Variants in COL4A5 observed in about 807,000 individuals in gnomAD.
The protein encoded by COL4A5 is collagen alpha-5(IV) chain.
Under a neutral mutation model 130.2 loss-of-function variants are expected in COL4A5, and 26 were observed. That is an observed-to-expected ratio of 0.20 (90% CI 0.15 to 0.28). COL4A5 has a LOEUF of 0.28. Ranked by LOEUF, COL4A5 falls within the 10% of genes least tolerant of loss-of-function variation. COL4A5 has a pLI of 1.00. For synonymous variants in COL4A5, 496 were observed against 439.6 expected (o/e 1.13, Z -1.60); for missense variants, 1,131 against 1,344.3 (o/e 0.84, Z 2.48).
At chrX:108,682,949 T>A (rs756561682) in intron 47 of COL4A5, among the ~76,000 whole-genome samples, 31 of 112,228 alleles carry the variant, frequency 2.8e-4, no homozygotes, top group Admixed American at 6.6e-4. Context: ...TTTTGGTGTT[T>A]TAGTCATGAA....
At chrX:108,647,343 A>C (rs929960956) in intron 36 of COL4A5, among the ~76,000 whole-genome samples, 96 of 111,422 alleles carry the variant, frequency 8.6e-4, no homozygotes, top group African/African-American at 3.0e-3. Flanking sequence ...CTTTGAAGCA[A>C]TTGTGAATGG....
intron 4 of COL4A5, among the ~76,000 whole-genome samples, chrX:108,565,978 ATTC>A (rs1202180919): frequency 8.8e-4 from 91 of 103,422 alleles, no homozygotes; most frequent in African/African-American, 1.9e-3. Flanking sequence ...ATATCAGGCT[ATTC>A]TTCTTTTTTT....
chrX:108,521,409 A>C (rs1277274924), intron 1 of COL4A5, among the ~76,000 whole-genome samples: 1 of 110,740 alleles, frequency 9.0e-6, no homozygotes, highest in Non-Finnish European at 1.9e-5. Context: ...CTCACTTTGG[A>C]GGAAAGGCCA....
rs187090207 is a variant in COL4A5, at chrX:108,574,792, G to A, written c.547-1118G>A. On this transcript the variant is annotated intron_variant, in intron 9 of 52. Transcript: ENST00000328300. ...TTTGTTTTATGTGGTGTTTGTTGTT[G>A]TTGTTGTTGTTTTGAGATAGCATCT... 6.3e-5 allele frequency among the ~76,000 whole-genome samples: 7 copies of A among 111,010 alleles called. No individual in the cohort carries two copies. In the East Asian group the frequency reaches 2.0e-3, roughly 31 times the overall value.
intron 47 of COL4A5, among the ~76,000 whole-genome samples, chrX:108,682,641 C>A (rs934207986): frequency 3.6e-5 from 4 of 112,096 alleles, no homozygotes; most frequent in Non-Finnish European, 7.5e-5. Context: ...CTCTAGTGAC[C>A]ACAGATGATG....
At position 108,517,369 on chromosome X, in the gene COL4A5, T is replaced by G. The variant is rs531609078; in HGVS notation, c.82-22377T>G. Among the ~76,000 whole-genome samples, 29 of 112,007 alleles carry G rather than the reference T, an allele frequency of 2.6e-4. No homozygotes were observed. The South Asian group carries it at 0.011, about 41-fold the overall frequency. On this transcript the variant is annotated intron_variant, in intron 1 of 52. Transcript: ENST00000328300. ...ATTAAATGTTTCTCTGCTCCTTCTA[T>G]TATAGCTTTTAAGAAACAGTATTAA...
intron 2 of COL4A5, among the ~76,000 whole-genome samples, chrX:108,551,991 G>C (rs1041586591): frequency 8.9e-6 from 1 of 111,989 alleles, no homozygotes; most frequent in Admixed American, 9.5e-5. Flanking sequence ...TCACTAATAA[G>C]TGGGAGCTAA....
At chrX:108,518,758 T>C (rs1569480288) in intron 1 of COL4A5, among the ~76,000 whole-genome samples, 2 of 111,868 alleles carry the variant, frequency 1.8e-5, no homozygotes, top group Non-Finnish European at 3.8e-5. Context: ...TCTTCTCTAA[T>C]ATTTTTAGTT....
At chrX:108,507,578 G>A (rs748502634) in intron 1 of COL4A5, among the ~76,000 whole-genome samples, 24 of 112,053 alleles carry the variant, frequency 2.1e-4, no homozygotes, top group Admixed American at 8.5e-4. Flanking sequence ...GGAGGCAGAG[G>A]TGGGTGGATC....
intron 1 of COL4A5, among the ~76,000 whole-genome samples, chrX:108,446,459 T>C (rs1285449718): frequency 8.9e-6 from 1 of 112,121 alleles, no homozygotes. Flanking sequence ...GGGGAATTAG[T>C]GGGTTAAACG....
At chrX:108,604,883 C>T (rs900740290) in intron 28 of COL4A5, among the ~76,000 whole-genome samples, 11 of 111,919 alleles carry the variant, frequency 9.8e-5, no homozygotes, top group Non-Finnish European at 1.9e-4. Context: ...TTCCCTTAAA[C>T]CTCACGAACC....
chrX:108,562,376 C>T (rs1210932012), intron 3 of COL4A5, among the ~76,000 whole-genome samples: 1 of 111,808 alleles, frequency 8.9e-6, no homozygotes, highest in Non-Finnish European at 1.9e-5. Flanking sequence ...GAGTTTCTTG[C>T]ACCCCATGCT....
At chrX:108,687,425 C>A in intron 48 of COL4A5, 57 bp from the exon 49 acceptor site, 1 of 992,302 alleles carries the variant, frequency 1.0e-6, no homozygotes, top group Non-Finnish European at 1.4e-6. Flanking sequence ...TGTCAATATC[C>A]ATAAGAGTGG....
chrX:108,675,857 T>C (rs984384031), intron 43 of COL4A5, among the ~76,000 whole-genome samples: 1 of 112,212 alleles, frequency 8.9e-6, no homozygotes, highest in African/African-American at 3.2e-5. Context: ...CTGTGCTAAG[T>C]AATTTTTACA....
chrX:108,519,151 T>C (rs2065245637), intron 1 of COL4A5, among the ~76,000 whole-genome samples: 1 of 111,119 alleles, frequency 9.0e-6, no homozygotes, highest in Non-Finnish European at 1.9e-5. Flanking sequence ...AGGATATCAA[T>C]AAGGGGGTAT....
intron 1 of COL4A5, among the ~76,000 whole-genome samples, chrX:108,532,200 C>G (rs1371054744): frequency 9.0e-6 from 1 of 111,611 alleles, no homozygotes; most frequent in Non-Finnish European, 1.9e-5. Context: ...AAAATACTAG[C>G]AAATCCAATT....
chrX:108,493,229 T>C (rs1198446421), intron 1 of COL4A5, among the ~76,000 whole-genome samples: 1 of 111,739 alleles, frequency 8.9e-6, no homozygotes, highest in Non-Finnish European at 1.9e-5. Flanking sequence ...GAGTCTGGCA[T>C]TGTGCATCTG....
intron 1 of COL4A5, among the ~76,000 whole-genome samples, chrX:108,452,342 T>A (rs1260744192): frequency 1.8e-5 from 2 of 111,856 alleles, no homozygotes; most frequent in Non-Finnish European, 3.8e-5. Context: ...TTTAAAGTAG[T>A]TTTTTCCAAT....
intron 36 of COL4A5, among the ~76,000 whole-genome samples, chrX:108,630,804 C>A (rs1332890181): frequency 8.9e-6 from 1 of 112,178 alleles, no homozygotes; most frequent in Admixed American, 9.4e-5. Context: ...ACATTTAAGT[C>A]TTAATCCATC....
Sources: gnomAD v4.1 joint callset for allele counts (sites outside exome capture counted in the v4.1 genomes callset) on GRCh38, gnomAD v4.1.1 for gene constraint, MANE v1.5 for transcripts, NCBI Gene and HGNC (gene_info 2026-07-23, HGNC 2026-07-21) for gene names.